The following DNAAF11 variants were observed in gnomAD, a reference collection of about 807,000 sequenced individuals.
DNAAF11 encodes dynein axonemal assembly factor 11.
Under a neutral mutation model 60.8 loss-of-function variants are expected in DNAAF11, and 45 were observed. The ratio of observed to expected loss-of-function variants is 0.74; its 90% CI spans 0.58 to 0.95. DNAAF11 has a LOEUF of 0.95. Among genes scored for constraint, DNAAF11 ranks in the 40% least tolerant of loss-of-function variants. DNAAF11 has a pLI of 0.00. For synonymous variants in DNAAF11, 191 were observed against 183.5 expected, an observed-to-expected ratio of 1.04 and a Z score of -0.33; for missense variants, 546 against 546.2, an observed-to-expected ratio of 1.00 and a Z score of 0.00.
chr8:132,662,937 T>C (rs138087728), intron 1 of DNAAF11, among the ~76,000 whole-genome samples: 1 of 152,374 alleles, frequency 6.6e-6, no homozygotes, highest in African/African-American at 2.4e-5. Context: ...TTATCATTCA[T>C]GTGGAGTTAG....
chr8:132,577,258 G>A (rs1019966962), intron 11 of DNAAF11, among the ~76,000 whole-genome samples: 4 of 152,132 alleles, frequency 2.6e-5, no homozygotes, highest in African/African-American at 9.7e-5. Context: ...TCAAGGAAAG[G>A]CCAACAGAAT....
chr8:132,686,235 C>T, the DNAAF11 span, among the ~76,000 whole-genome samples: 1,178 of 152,136 alleles, frequency 7.7e-3, 8 homozygotes, highest in Middle Eastern at 0.088. Context: ...GAAGACTTTT[C>T]CCAGAGAGAG....
chr8:132,701,027 T>A, the DNAAF11 span, among the ~76,000 whole-genome samples: 1 of 152,100 alleles, frequency 6.6e-6, no homozygotes, highest in South Asian at 2.1e-4. Flanking sequence ...GTGGTATCCA[T>A]GGGGGAAGAT....
chr8:132,639,251 CT>C (rs374731552), intron 3 of DNAAF11, among the ~76,000 whole-genome samples: 2 of 152,262 alleles, frequency 1.3e-5, no homozygotes, highest in African/African-American at 2.4e-5. Context: ...ATGCAGCAGC[CT>C]TTGGGGGCTT....
chr8:132,638,157 TG>T (rs1386350843), intron 3 of DNAAF11, 50 bp from the exon 4 acceptor site: 1 of 1,456,032 alleles, frequency 6.9e-7, no homozygotes, highest in East Asian at 2.3e-5. Flanking sequence ...AAAATCACAC[TG>T]GTAACAAAAC....
At position 132,573,091 on chromosome 8, in the gene DNAAF11, CAGATAT is replaced by C. The variant is rs748153592; in HGVS notation, c.1227-617_1227-612del. Reference sequence around the variant, plus strand: ...TGGCCAATGTTCCCAATATCATGGTCAGATATAGATATAGATATAGATACAGATATA... The same window carrying C: ...TGGCCAATGTTCCCAATATCATGGTCAGATATAGATATAGATACAGATATA... On this transcript the variant is annotated intron_variant, in intron 11 of 11. Coordinates refer to ENST00000620350, the MANE Select transcript of DNAAF11 (RefSeq NM_012472.6). 7.5e-4 allele frequency among the ~76,000 whole-genome samples: 114 copies of C among 152,078 alleles called. 1 individual carries two copies. The highest frequency in any genetic ancestry group is 7.4e-4 in the Non-Finnish European group (50 of 68,000).
intron 11 of DNAAF11, among the ~76,000 whole-genome samples, chr8:132,577,930 G>A (rs1398722842): frequency 6.6e-6 from 1 of 151,730 alleles, no homozygotes; most frequent in East Asian, 1.9e-4. Context: ...GCCTCCCAAA[G>A]TGCTGGAATT....
At chr8:132,642,440 G>C (rs928442582) in intron 3 of DNAAF11, among the ~76,000 whole-genome samples, 1 of 152,236 alleles carries the variant, frequency 6.6e-6, no homozygotes, top group Non-Finnish European at 1.5e-5. Context: ...GCTGGCCCCA[G>C]GAACTTGCCT....
chr8:132,637,617 A>T (rs1380627198), intron 4 of DNAAF11, among the ~76,000 whole-genome samples: 1 of 152,182 alleles, frequency 6.6e-6, no homozygotes, highest in Non-Finnish European at 1.5e-5. Context: ...AAAAAAAAAA[A>T]ACAAGTAATA....
Position 132,625,257 on chromosome 8 carries a change from G to A in DNAAF11, c.836+15C>T, listed in dbSNP as rs751719172. The A allele has an allele frequency of 1.3e-6, 2 of 1,578,300 alleles. No individual in the cohort carries two copies. Among genetic ancestry groups the A allele is most frequent in the Non-Finnish European group, 1.7e-6 (2 of 1,162,250 alleles). ...AGTGGCTACTGCTTCCCTCTCCTAG[G>A]AAAGAATGAAATACCTTAATTTTTC... On this transcript the variant is annotated intron_variant, in intron 6 of 11. Coordinates refer to ENST00000620350, the MANE Select transcript of DNAAF11 (RefSeq NM_012472.6).
intron 1 of DNAAF11, among the ~76,000 whole-genome samples, chr8:132,666,812 C>G (rs557552105): frequency 6.6e-6 from 1 of 152,286 alleles, no homozygotes; most frequent in Middle Eastern, 3.4e-3. Flanking sequence ...GAAAGAAGCA[C>G]AGTGTGCATA....
chr8:132,607,574 G>T (rs1054583825), intron 10 of DNAAF11, among the ~76,000 whole-genome samples: 1 of 152,152 alleles, frequency 6.6e-6, no homozygotes, highest in African/African-American at 2.4e-5. Context: ...TCATTTAGGA[G>T]TAAGAAAAGA....
intron 2 of DNAAF11, among the ~76,000 whole-genome samples, chr8:132,659,767 A>G (rs143236692): frequency 1.3e-5 from 2 of 152,230 alleles, no homozygotes; most frequent in South Asian, 2.1e-4. Context: ...AAGCAACCAC[A>G]TCACCAGGGT....
intron 1 of DNAAF11, among the ~76,000 whole-genome samples, chr8:132,669,940 C>CAAAAAAAA (rs35402875): frequency 3.3e-4 from 23 of 69,762 alleles, no homozygotes; most frequent in African/African-American, 8.8e-4. Flanking sequence ...GACTCCGTCT[C>CAAAAAAAA]AAAAAAAAAA....
At chr8:132,636,876 G>A (rs1821351397) in intron 4 of DNAAF11, among the ~76,000 whole-genome samples, 1 of 152,170 alleles carries the variant, frequency 6.6e-6, no homozygotes, top group Non-Finnish European at 1.5e-5. Context: ...TAATCCAGCA[G>A]TCAGCAGTCT....
At chr8:132,663,680 C>T (rs887881453) in intron 1 of DNAAF11, among the ~76,000 whole-genome samples, 8 of 152,086 alleles carry the variant, frequency 5.3e-5, no homozygotes, top group African/African-American at 1.9e-4. Context: ...GCCAGGAGGA[C>T]GTGCCCATCC....
At chr8:132,627,475 C>G (rs1290135739) in intron 5 of DNAAF11, among the ~76,000 whole-genome samples, 2 of 152,208 alleles carry the variant, frequency 1.3e-5, no homozygotes, top group Non-Finnish European at 2.9e-5. Context: ...GAACTCTCTT[C>G]CCATCCATAA....
At chr8:132,698,459 G>A in the DNAAF11 span, among the ~76,000 whole-genome samples, 6 of 152,094 alleles carry the variant, frequency 3.9e-5, no homozygotes, top group Admixed American at 6.6e-5. Flanking sequence ...TAATAGACAA[G>A]CATTCAGTTC....
chr8:132,654,741 A>C (rs1307012404), intron 3 of DNAAF11, among the ~76,000 whole-genome samples: 1 of 152,008 alleles, frequency 6.6e-6, no homozygotes. Flanking sequence ...AATTAAAACA[A>C]AAGCACAACA....
Sources: gnomAD v4.1 joint callset for allele counts (sites outside exome capture counted in the v4.1 genomes callset) on GRCh38, gnomAD v4.1.1 for gene constraint, MANE v1.5 for transcripts, NCBI Gene and HGNC (gene_info 2026-07-23, HGNC 2026-07-21) for gene names.